Variants in WDR17 observed in about 807,000 individuals in gnomAD.
WDR17 encodes the protein WD repeat-containing protein 17.
Under a neutral mutation model 161.7 loss-of-function variants are expected in WDR17, and 143 were observed. The observed-to-expected ratio is 0.88, with a 90% CI of 0.77 to 1.02. The LOEUF (loss-of-function observed/expected upper bound fraction) is 1.02. Ranked by LOEUF, WDR17 falls within the 50% of genes least tolerant of loss-of-function variation. The probability of loss-of-function intolerance (pLI) is 0.00; values close to 1 mark genes in which losing one functional copy is unlikely to be tolerated. For missense variants in WDR17, 1,469 were observed against 1,520.9 expected (o/e 0.97, Z 0.57); for synonymous variants, 517 against 515.6 (o/e 1.00, Z -0.04).
At chr4:176,114,717 G>T (rs139700025) in intron 2 of WDR17, among the ~76,000 whole-genome samples, 164 of 151,830 alleles carry the variant, frequency 1.1e-3, no homozygotes, top group African/African-American at 3.9e-3. Context: ...GAAAAAACAG[G>T]TATAATAAGA....
chr4:176,117,110 G>A (rs1740771547), intron 3 of WDR17, among the ~76,000 whole-genome samples: 1 of 151,896 alleles, frequency 6.6e-6, no homozygotes, highest in Non-Finnish European at 1.5e-5. Context: ...GCTATTCGGT[G>A]AGCTTCCATT....
intron 2 of WDR17, among the ~76,000 whole-genome samples, chr4:176,114,523 T>G (rs943991420): frequency 1.3e-5 from 2 of 152,100 alleles, no homozygotes; most frequent in African/African-American, 4.8e-5. Context: ...TGTTTATTCT[T>G]TCAATATTAA....
intron 1 of WDR17, among the ~76,000 whole-genome samples, chr4:176,088,250 A>C (rs1398571451): frequency 6.6e-5 from 10 of 152,158 alleles, no homozygotes; most frequent in African/African-American, 2.4e-4. Flanking sequence ...TATATGACCT[A>C]AACTAAAGAG....
chr4:176,120,127 A>ATAGTATATT, intron 4 of WDR17, 30 bp downstream of exon 4: 1 of 1,537,632 alleles, frequency 6.5e-7, no homozygotes, highest in East Asian at 2.3e-5. Flanking sequence ...GGTATCTTAA[A>ATAGTATATT]TAGTATATTT....
chr4:176,135,333 T>C (rs767178844), intron 8 of WDR17, 57 bp downstream of exon 8: 1 of 1,571,598 alleles, frequency 6.4e-7, no homozygotes, highest in South Asian at 1.1e-5. Flanking sequence ...TAAAGTTTTA[T>C]TTTCATTTGA....
intron 1 of WDR17, among the ~76,000 whole-genome samples, chr4:176,072,426 T>G (rs968503482): frequency 1.3e-5 from 2 of 152,246 alleles, no homozygotes; most frequent in African/African-American, 4.8e-5. Flanking sequence ...CAAGTCTGCA[T>G]TTTTAGCAAG....
rs1052458858 is a variant in WDR17 at position 176,066,027 on chromosome 4, C to T, written c.-59C>T. 1.3e-5 allele frequency: 2 copies of T among 152,166 alleles called. No individual in the cohort carries two copies. The highest frequency in any genetic ancestry group is 4.8e-5 in the African/African-American group (2 of 41,434). 9.4% of individuals were successfully genotyped at this position (152,166 alleles called of 1,614,324 possible). On this transcript the variant is annotated 5_prime_UTR_variant, in exon 1 of 29. Coordinates refer to ENST00000508596, the MANE Select transcript of WDR17 (RefSeq NM_181265.4). ...GTGGTGCTCGCCTCGCAGCTGCGCC[C>T]GCCGGCTTCAGCACCTTCCGCTGTC...
chr4:176,087,834 A>C (rs1376340794), intron 1 of WDR17, among the ~76,000 whole-genome samples: 1 of 151,224 alleles, frequency 6.6e-6, no homozygotes, highest in East Asian at 1.9e-4. Context: ...TATTCATTTT[A>C]TTTTTATTTT....
At chr4:176,151,660 T>G in intron 16 of WDR17, 152 bp from the exon 17 acceptor site, 3 of 626,296 alleles carry the variant, frequency 4.8e-6, no homozygotes, top group Middle Eastern at 4.3e-4. Flanking sequence ...AATTGGGGTA[T>G]CCATCACCTC....
At chr4:176,077,181 T>C (rs13149525) in intron 1 of WDR17, among the ~76,000 whole-genome samples, 77,890 of 134,020 alleles carry the variant, frequency 0.58, 22,215 homozygotes, top group South Asian at 0.68. Context: ...TTTTTTTTTT[T>C]CACTAAGAGC....
At chr4:176,081,548 A>C (rs1187895420) in intron 1 of WDR17, among the ~76,000 whole-genome samples, 1 of 152,124 alleles carries the variant, frequency 6.6e-6, no homozygotes, top group Non-Finnish European at 1.5e-5. Flanking sequence ...TGTGTCTATT[A>C]GAAATGAAGT....
At chr4:176,114,372 A>G (rs1740257420) in intron 2 of WDR17, among the ~76,000 whole-genome samples, 1 of 152,098 alleles carries the variant, frequency 6.6e-6, no homozygotes. Context: ...AGTTGAAGTT[A>G]TAGGAAGAGA....
chr4:176,176,459 G>A (rs1315287672), intron 26 of WDR17, among the ~76,000 whole-genome samples: 5 of 151,802 alleles, frequency 3.3e-5, no homozygotes, highest in Non-Finnish European at 1.5e-5. Flanking sequence ...CTCCTCCCAC[G>A]GCTCCACTCC....
chr4:176,144,357 C>A (rs1283570192), intron 11 of WDR17, among the ~76,000 whole-genome samples: 1 of 152,124 alleles, frequency 6.6e-6, no homozygotes, highest in Non-Finnish European at 1.5e-5. Flanking sequence ...TATGAGATCG[C>A]CAACTACGTT....
At position 176,167,662 on chromosome 4, in the gene WDR17, A is replaced by AC. The variant is rs1429686188; in HGVS notation, c.2991-1010_2991-1009insC. ...TCCGTCTCAAAAAAAAAAAAAAAAA[A>AC]AAAAAAAAAACAATATCTTGAATTA... On this transcript the variant is annotated intron_variant, in intron 22 of 28. Coordinates refer to ENST00000508596, the MANE Select transcript of WDR17 (RefSeq NM_181265.4). Among the ~76,000 whole-genome samples the AC allele has an allele frequency of 2.6e-3, 120 of 45,332 alleles. 7 individuals are homozygous for AC. Among genetic ancestry groups the AC allele is most frequent in the Admixed American group, 0.017 (46 of 2,658 alleles). 29.7% of individuals were successfully genotyped at this position (45,332 alleles called of 152,430 possible).
At chr4:176,129,125 A>T (rs1742959893) in intron 6 of WDR17, among the ~76,000 whole-genome samples, 1 of 152,128 alleles carries the variant, frequency 6.6e-6, no homozygotes, top group Non-Finnish European at 1.5e-5. Context: ...CATGGAAAAG[A>T]TGAATCAATG....
At position 176,179,797 on chromosome 4, in the gene WDR17, G is replaced by C. The variant is rs748469804; in HGVS notation, c.*218G>C. ...GGTGCCTCCTTTATAAACAGTAATAGCTACGTTTGGGAAGGAGGAAACATT... is the reference window on the plus strand; with the variant it reads ...GGTGCCTCCTTTATAAACAGTAATACCTACGTTTGGGAAGGAGGAAACATT... On this transcript the variant is annotated 3_prime_UTR_variant, in exon 29 of 29. Transcript: ENST00000508596. 2 of 220,420 alleles carry C rather than the reference G, an allele frequency of 9.1e-6. No homozygotes were observed. Among genetic ancestry groups the C allele is most frequent in the East Asian group, 1.9e-4 (2 of 10,288 alleles). 13.7% of individuals were successfully genotyped at this position (220,420 alleles called of 1,614,324 possible).
chr4:176,156,192 A>C, intron 18 of WDR17, 49 bp downstream of exon 18: 4 of 1,564,412 alleles, frequency 2.6e-6, no homozygotes, highest in Non-Finnish European at 3.5e-6. Context: ...AAATCATGTT[A>C]GAATAGAAGC....
At chr4:176,140,453 G>C (rs983834350) in intron 10 of WDR17, among the ~76,000 whole-genome samples, 2 of 152,062 alleles carry the variant, frequency 1.3e-5, no homozygotes, top group African/African-American at 4.8e-5. Flanking sequence ...AATGCCTTTT[G>C]TTAGGAAATA....
Sources: allele counts gnomAD v4.1 joint callset (sites outside exome capture counted in the v4.1 genomes callset), GRCh38; gene constraint gnomAD v4.1.1; transcripts MANE v1.5; gene names NCBI Gene and HGNC (gene_info 2026-07-23, HGNC 2026-07-21).